The following EFCAB13 variants were observed in gnomAD, a reference collection of about 807,000 sequenced individuals.
EFCAB13 encodes the protein EF-hand calcium-binding domain-containing protein 13.
EFCAB13 carries 91 observed loss-of-function variants against 110.2 expected under a neutral mutation model. That is an observed-to-expected ratio of 0.83 (90% CI 0.70 to 0.98). The LOEUF is 0.98. Among genes scored for constraint, EFCAB13 ranks in the 50% least tolerant of loss-of-function variants. The probability of loss-of-function intolerance (pLI) is 0.00; values close to 1 mark genes in which losing one functional copy is unlikely to be tolerated. For synonymous variants in EFCAB13, 323 were observed against 369.9 expected (o/e 0.87, Z 1.45); for missense variants, 968 against 1,119.4 (o/e 0.86, Z 1.93).
intron 17 of EFCAB13, among the ~76,000 whole-genome samples, chr17:47,397,463 C>T (rs1945097673): frequency 4.6e-5 from 4 of 86,612 alleles, no homozygotes; most frequent in Admixed American, 4.0e-4. Context: ...GCGTCTCTGC[C>T]TGGCCGCCCA....
chr17:47,402,278 C>A, intron 18 of EFCAB13, 75 bp downstream of exon 18: 3 of 1,326,796 alleles, frequency 2.3e-6, no homozygotes, highest in Non-Finnish European at 3.2e-6. Context: ...GTTTTTAATG[C>A]TGTGTGTTCA....
In EFCAB13 at chr17:47,404,631, T is replaced by C. The variant is rs1231961119; in HGVS notation, c.2231T>C (p.Ile744Thr). The C allele has an allele frequency of 2.5e-6, 4 of 1,609,032 alleles. No individual in the cohort carries two copies. The highest frequency in any genetic ancestry group is 3.4e-6 in the Non-Finnish European group (4 of 1,176,044). The part of the protein sequence containing the change: ...LRDTQKFSNY[I>T]DFRKEASNLK... ...GACACCCAGAAATTTTCCAATTATA[T>C]TGGTAAGAGCTTTATGGTAATACTG... Residue 744 changes from isoleucine to threonine, a missense_variant and splice_region_variant, in exon 20 of 25, where the codon ATT (isoleucine) becomes ACT (threonine). By Grantham distance (89) the Ile-to-Thr change is moderately conservative (BLOSUM62 -1). Coordinates refer to ENST00000331493, the MANE Select transcript of EFCAB13 (RefSeq NM_152347.5).
chr17:47,428,323 T>TC (rs144825891), intron 23 of EFCAB13, among the ~76,000 whole-genome samples: 12,704 of 152,084 alleles, frequency 0.084, 690 homozygotes, highest in East Asian at 0.28. Flanking sequence ...CATGATTTAC[T>TC]CTTTATTTTA....
chr17:47,343,172 T>C (rs559907467), intron 6 of EFCAB13, among the ~76,000 whole-genome samples: 78 of 152,278 alleles, frequency 5.1e-4, no homozygotes, highest in African/African-American at 1.8e-3. Flanking sequence ...TTGATCTAAA[T>C]CTGTGGGAAT....
intron 17 of EFCAB13, among the ~76,000 whole-genome samples, chr17:47,400,683 T>TCCTTC (rs570565420): frequency 1.3e-4 from 17 of 134,880 alleles, no homozygotes; most frequent in East Asian, 5.1e-4. Context: ...CCCTTCCCTC[T>TCCTTC]CCTTCCCTTC....
At chr17:47,373,508 T>C (rs1223365038) in intron 11 of EFCAB13, among the ~76,000 whole-genome samples, 2 of 152,174 alleles carry the variant, frequency 1.3e-5, no homozygotes, top group Non-Finnish European at 2.9e-5. Flanking sequence ...TTCATGTTTC[T>C]TGTTGCCTTA....
intron 17 of EFCAB13, among the ~76,000 whole-genome samples, chr17:47,396,654 A>G (rs1239099449): frequency 6.6e-6 from 1 of 152,194 alleles, no homozygotes; most frequent in Non-Finnish European, 1.5e-5. Context: ...ACAGAACTAG[A>G]TTAGTAACAC....
At chr17:47,341,335 G>A (rs1365375355) in intron 5 of EFCAB13, 1 of 152,162 alleles carries the variant, frequency 6.6e-6, no homozygotes, top group Non-Finnish European at 1.5e-5. Context: ...ATGATATTAA[G>A]AAATTGTTAA....
intron 6 of EFCAB13, among the ~76,000 whole-genome samples, chr17:47,343,393 T>C (rs1476779302): frequency 6.6e-6 from 1 of 152,094 alleles, no homozygotes; most frequent in African/African-American, 2.4e-5. Context: ...AGTCTTTCTT[T>C]TTTTCTAACC....
chr17:47,328,298 A>G lies in EFCAB13; in HGVS notation c.-56A>G, dbSNP rs1190869194. 3 of 1,452,398 alleles carry G rather than the reference A, an allele frequency of 2.1e-6. No homozygotes were observed. Among genetic ancestry groups the G allele is most frequent in the Non-Finnish European group, 2.9e-6 (3 of 1,034,322 alleles). 90.0% of individuals were successfully genotyped at this position (1,452,398 alleles called of 1,614,324 possible). On this transcript the variant is annotated 5_prime_UTR_variant, in exon 4 of 25. The change creates a new upstream start codon in the 5' untranslated region. Transcript: ENST00000331493. ...TCCTTTTGTACTATTGCTCATTCAT[A>G]CTTGTTCATCAAAGCCTGGAGTCCT... is the stretch of plus-strand genomic sequence containing the variant.
intron 17 of EFCAB13, among the ~76,000 whole-genome samples, chr17:47,396,426 GCAAA>G (rs990053097): frequency 6.6e-6 from 1 of 150,900 alleles, no homozygotes; most frequent in African/African-American, 2.4e-5. Flanking sequence ...AAAAAAAAAA[GCAAA>G]CAAAATAAAA....
chr17:47,385,553 G>C (rs903763287), intron 14 of EFCAB13, among the ~76,000 whole-genome samples: 2 of 151,904 alleles, frequency 1.3e-5, no homozygotes, highest in African/African-American at 4.8e-5. Context: ...GTAACCTTTT[G>C]TCAGGGTTCT....
chr17:47,356,389 C>G (rs548907193), intron 9 of EFCAB13, among the ~76,000 whole-genome samples: 9 of 152,144 alleles, frequency 5.9e-5, no homozygotes, highest in Non-Finnish European at 1.3e-4. Context: ...AGGGTGCTCC[C>G]TTGATTTGGT....
At chr17:47,388,544 C>G (rs985288243) in intron 14 of EFCAB13, among the ~76,000 whole-genome samples, 7 of 152,136 alleles carry the variant, frequency 4.6e-5, no homozygotes, top group African/African-American at 1.7e-4. Context: ...CATCACACTT[C>G]TGGTTTCTAA....
rs146255267 is a variant in EFCAB13, at chr17:47,430,185, A to G, written c.2638+224A>G. Reference sequence around the variant, plus strand: ...CTTATCCCTGTGTGAGTCCACTGACAGTACCTAGGAGGTGAGATTATTTTG... The same window carrying G: ...CTTATCCCTGTGTGAGTCCACTGACGGTACCTAGGAGGTGAGATTATTTTG... On this transcript the variant is annotated intron_variant, in intron 24 of 24. Transcript: ENST00000331493. 2.0e-3 allele frequency: 2,294 copies of G among 1,133,560 alleles called. 75 individuals carry two copies. In the East Asian group the frequency reaches 0.059, roughly 29 times the overall value. The allele number at this position is 1,133,560 out of a possible 1,614,324, so 70.2% of individuals were successfully genotyped here. A position where few individuals can be genotyped will look rare whatever the true frequency, so the allele number is the denominator to read the frequency against.
At chr17:47,398,217 C>T (rs1229890040) in intron 17 of EFCAB13, among the ~76,000 whole-genome samples, 7 of 144,478 alleles carry the variant, frequency 4.8e-5, no homozygotes, top group African/African-American at 1.3e-4. Context: ...CCCGGCCAGC[C>T]GCCCCGTCCG....
intron 14 of EFCAB13, among the ~76,000 whole-genome samples, chr17:47,380,515 A>G (rs2065641326): frequency 6.6e-6 from 1 of 152,182 alleles, no homozygotes; most frequent in South Asian, 2.1e-4. Context: ...AGTCTTTGCT[A>G]TTGTGAACAG....
intron 17 of EFCAB13, among the ~76,000 whole-genome samples, 197 bp from the exon 18 acceptor site, chr17:47,401,935 C>T (rs1056076453): frequency 7.2e-5 from 11 of 152,182 alleles, no homozygotes; most frequent in African/African-American, 2.4e-4. Context: ...TGAGCCACCA[C>T]GCCCAGCCAT....
intron 11 of EFCAB13, among the ~76,000 whole-genome samples, chr17:47,371,122 G>T (rs1246883639): frequency 6.9e-6 from 1 of 145,596 alleles, no homozygotes; most frequent in Non-Finnish European, 1.5e-5. Context: ...ATAAATTCTG[G>T]ATATTAATCC....
Sources: gnomAD v4.1 joint callset for allele counts (sites outside exome capture counted in the v4.1 genomes callset) on GRCh38, gnomAD v4.1.1 for gene constraint, MANE v1.5 for transcripts, NCBI Gene and HGNC (gene_info 2026-07-23, HGNC 2026-07-21) for gene names.